METRNL: variants seen among roughly 807,000 people sequenced by gnomAD.
The protein encoded by METRNL is meteorin-like protein.
In METRNL, 9 loss-of-function variants were observed where a neutral mutation model predicts 17.4. The observed-to-expected ratio is 0.52, with a 90% CI of 0.31 to 0.90. The LOEUF (loss-of-function observed/expected upper bound fraction) is 0.90, where lower values mean the gene tolerates loss of function less well. Among genes scored for constraint, METRNL ranks in the 40% least tolerant of loss-of-function variants. The pLI is 0.05. For missense variants in METRNL, 408 were observed against 430.7 expected, an observed-to-expected ratio of 0.95 and a Z score of 0.47; for synonymous variants, 215 against 199.3, an observed-to-expected ratio of 1.08 and a Z score of -0.66.
Position 83,079,674 on chromosome 17 carries a change from GC to G in METRNL, c.-141del. ...GGCTCCAGCGGGCCGGGATGGGCGGGCGGCCGCGCGGAGGACGCGGGGGGCG... is the reference window on the plus strand; with the variant it reads ...GGCTCCAGCGGGCCGGGATGGGCGGGGGCCGCGCGGAGGACGCGGGGGGCG... On this transcript the variant is annotated 5_prime_UTR_variant, in exon 1 of 4. The change abolishes the stop of an existing upstream ORF in the 5' untranslated region. Transcript: ENST00000320095. The G allele has an allele frequency of 5.0e-6, 1 of 201,018 alleles. No individual in the cohort carries two copies. The highest frequency in any genetic ancestry group is 8.6e-6 in the Non-Finnish European group (1 of 115,916). The allele number at this position is 201,018 out of a possible 1,614,324, so 12.5% of individuals were successfully genotyped here. A position where few individuals can be genotyped will look rare whatever the true frequency, so the allele number is the denominator to read the frequency against.
chr17:83,089,450 C>A (rs571332981), intron 2 of METRNL, among the ~76,000 whole-genome samples: 2 of 152,108 alleles, frequency 1.3e-5, no homozygotes, highest in African/African-American at 2.4e-5. Flanking sequence ...AGCCTCTCCT[C>A]GGAACCAGCC....
chr17:83,094,100 T>C lies in METRNL; in HGVS notation c.617-156T>C, dbSNP rs2038172408. Reference sequence around the variant, plus strand: ...CCCTTGGCAGCTTTCTGCTGTTACATTGTACTTTTCTCTGGGAATTTCCAC... The same window carrying C: ...CCCTTGGCAGCTTTCTGCTGTTACACTGTACTTTTCTCTGGGAATTTCCAC... On this transcript the variant is annotated intron_variant, in intron 3 of 3. Transcript: ENST00000320095. 15 of 579,142 alleles carry C rather than the reference T, an allele frequency of 2.6e-5. No homozygotes were observed. In the South Asian group the frequency reaches 3.6e-4, roughly 14 times the overall value. The allele number at this position is 579,142 out of a possible 1,614,324, so 35.9% of individuals were successfully genotyped here.
rs138638098 is a variant in METRNL at position 83,094,517 on chromosome 17, G to A, written c.878G>A (p.Arg293Lys). The change falls in exon 4 of 4, where the codon AGG (arginine) becomes AAG (lysine). Residue 293 changes from arginine (R) to lysine (K), a missense_variant. Coordinates refer to ENST00000320095, the MANE Select transcript of METRNL (RefSeq NM_001004431.3). ...GCCCCACGCTTCAAGGACTTCCAGA[G>A]GATGTACAGGGATGCCCAGGAGAGG... ...GCAPRFKDFQ[R>K]MYRDAQERGL... 160 of 1,541,040 alleles carry A rather than the reference G, an allele frequency of 1.0e-4. No individual in the cohort carries two copies. In the African/African-American group the frequency reaches 1.9e-3, roughly 18 times the overall value.
chr17:83,085,900 C>G (rs1323441933), intron 2 of METRNL, among the ~76,000 whole-genome samples: 1 of 152,198 alleles, frequency 6.6e-6, no homozygotes, highest in Admixed American at 6.5e-5. Flanking sequence ...CTGGCTCAGC[C>G]CTGAGCGGTG....
intron 3 of METRNL, among the ~76,000 whole-genome samples, chr17:83,093,807 C>T (rs113428430): frequency 0.037 from 5,599 of 152,222 alleles, 350 homozygotes; most frequent in African/African-American, 0.13. Context: ...ACCCCACCTC[C>T]AAGCTCAAGG....
intron 2 of METRNL, among the ~76,000 whole-genome samples, chr17:83,089,891 A>AG (rs1402395900): frequency 6.6e-6 from 1 of 151,968 alleles, no homozygotes; most frequent in East Asian, 1.9e-4. Flanking sequence ...CTAGCAGGCG[A>AG]GGCTGCAGGC....
chr17:83,085,078 T>C lies in METRNL; in HGVS notation c.311T>C (p.Leu104Pro). The change falls in exon 2 of 4, where the codon CTG becomes CCG. Residue 104 changes from leucine (L) to proline (P), a missense_variant. Coordinates refer to ENST00000320095, the MANE Select transcript of METRNL (RefSeq NM_001004431.3). The stretch of plus-strand genomic sequence containing the variant: ...AACACCTTCTCGCCTGCCCGGCACC[T>C]GACCGTGTGCATCAGGTCCTTCACG... ...RPNTFSPARH[L>P]TVCIRSFTDS... is the part of the protein sequence containing the mutation. 3 of 1,613,934 alleles carry C rather than the reference T, an allele frequency of 1.9e-6. No homozygotes were observed. The highest frequency in any genetic ancestry group is 2.5e-6 in the Non-Finnish European group (3 of 1,180,032).
chr17:83,085,456 G>C, intron 2 of METRNL, 133 bp downstream of exon 2: 6 of 1,234,222 alleles, frequency 4.9e-6, no homozygotes, highest in Non-Finnish European at 6.6e-6. Context: ...TCTGTGCTTC[G>C]GACATGACTG....
intron 1 of METRNL, 69 bp from the exon 2 acceptor site, chr17:83,084,869 T>C (rs548318852): frequency 1.9e-5 from 30 of 1,539,290 alleles, no homozygotes; most frequent in Non-Finnish European, 2.4e-5. Flanking sequence ...CCTCACTGAC[T>C]CTCTGTGGGT....
intron 2 of METRNL, among the ~76,000 whole-genome samples, chr17:83,087,655 TG>T (rs2038067625): frequency 6.6e-6 from 1 of 152,200 alleles, no homozygotes; most frequent in Non-Finnish European, 1.5e-5. Context: ...CGCCATCCCC[TG>T]GGCCAGGCCG....
chr17:83,090,589 A>G (rs2038120461), intron 2 of METRNL, among the ~76,000 whole-genome samples: 2 of 142,716 alleles, frequency 1.4e-5, no homozygotes, highest in African/African-American at 5.2e-5. Flanking sequence ...CCTTTGCAGG[A>G]CCGCCTGGCC....
In METRNL at chr17:83,086,182, A is replaced by G. The variant is rs118160851; in HGVS notation, c.556+859A>G. Among the ~76,000 whole-genome samples, 991 of 152,344 alleles carry G rather than the reference A, an allele frequency of 6.5e-3. 7 individuals carry two copies. The highest frequency in any genetic ancestry group is 0.01 in the Non-Finnish European group (694 of 68,028). On this transcript the variant is annotated intron_variant, in intron 2 of 3. Coordinates refer to ENST00000320095, the MANE Select transcript of METRNL (RefSeq NM_001004431.3). ...TGTGTGGCCTCGGACTCGGGTGTAC[A>G]GACTTCTATCCTGAATGGGAATCCA...
chr17:83,081,193 C>T (rs911370771), intron 1 of METRNL, among the ~76,000 whole-genome samples: 3 of 151,662 alleles, frequency 2.0e-5, no homozygotes, highest in Non-Finnish European at 2.9e-5. Flanking sequence ...TGGGGGGGGT[C>T]GGCCGGGAAC....
chr17:83,089,368 G>A (rs528602320), intron 2 of METRNL, among the ~76,000 whole-genome samples: 26 of 152,280 alleles, frequency 1.7e-4, no homozygotes, highest in African/African-American at 4.1e-4. Flanking sequence ...GTTTCCCGTC[G>A]GAACTGTGTG....
intron 1 of METRNL, chr17:83,082,263 G>T: frequency 1.0e-6 from 1 of 985,440 alleles, no homozygotes; most frequent in East Asian, 1.1e-4. Context: ...CTGCCAGTGG[G>T]TTCGAAGCCC....
intron 3 of METRNL, 25 bp downstream of exon 3, chr17:83,093,251 A>C: frequency 6.3e-7 from 1 of 1,594,362 alleles, no homozygotes; most frequent in South Asian, 1.1e-5. Flanking sequence ...GGCAGCTTCT[A>C]CCTCCTGTGC....
chr17:83,091,606 G>T (rs1311499452), intron 2 of METRNL, among the ~76,000 whole-genome samples: 1 of 152,252 alleles, frequency 6.6e-6, no homozygotes, highest in African/African-American at 2.4e-5. Flanking sequence ...CCAGTCACCA[G>T]CAGCTGGCTC....
chr17:83,082,937 G>A (rs944240253), intron 1 of METRNL, among the ~76,000 whole-genome samples: 9 of 152,220 alleles, frequency 5.9e-5, no homozygotes, highest in South Asian at 2.1e-4. Context: ...TGGATGTTTC[G>A]GGAGAATGTG....
Position 83,085,309 on chromosome 17 carries a change from T to A in METRNL, c.542T>A (p.Leu181Gln), listed in dbSNP as rs375448058. Residue 181 changes from leucine to glutamine, a missense_variant, in exon 2 of 4, where the codon CTG becomes CAG. Transcript: ENST00000320095. ...ELVRRHRASD[L>Q]HELSAPCRPC... ...GTTAGGAGGCACAGGGCGTCGGACC[T>A]GCACGAGCTGTCTGGTGAGTGTCCT... 6.6e-7 allele frequency: 1 copy of A among 1,525,936 alleles called. No homozygotes were observed. The highest frequency in any genetic ancestry group is 8.8e-7 in the Non-Finnish European group (1 of 1,136,336). 94.5% of individuals were successfully genotyped at this position (1,525,936 alleles called of 1,614,324 possible).
Sources: gnomAD v4.1 joint callset for allele counts (sites outside exome capture counted in the v4.1 genomes callset) on GRCh38, gnomAD v4.1.1 for gene constraint, MANE v1.5 for transcripts, NCBI Gene and HGNC (gene_info 2026-07-23, HGNC 2026-07-21) for gene names.